CDH9: variants seen among roughly 807,000 people sequenced by gnomAD.
CDH9 encodes cadherin 9.
Under a neutral mutation model 70.9 loss-of-function variants are expected in CDH9, and 28 were observed. That is an observed-to-expected ratio of 0.40 (90% CI 0.29 to 0.54). The LOEUF (loss-of-function observed/expected upper bound fraction) is 0.54, where lower values mean the gene tolerates loss of function less well. CDH9 is among the 20% of genes least tolerant of loss of function. The pLI is 0.59. For synonymous variants in CDH9, 409 were observed against 343.1 expected, an observed-to-expected ratio of 1.19 and a Z score of -2.12; for missense variants, 874 against 984.4, an observed-to-expected ratio of 0.89 and a Z score of 1.50.
chr5:26,901,258 G>T (rs906576713), intron 7 of CDH9, among the ~76,000 whole-genome samples: 5 of 151,984 alleles, frequency 3.3e-5, no homozygotes, highest in African/African-American at 1.2e-4. Flanking sequence ...TACTGATAAT[G>T]TATTTTTTTA....
chr5:26,922,774 T>G (rs1482713754), intron 2 of CDH9, among the ~76,000 whole-genome samples: 1 of 151,734 alleles, frequency 6.6e-6, no homozygotes, highest in Non-Finnish European at 1.5e-5. Context: ...AACAACCAAT[T>G]AAAAATAACT....
At chr5:27,033,335 T>C (rs1161455543) in intron 1 of CDH9, among the ~76,000 whole-genome samples, 1 of 151,488 alleles carries the variant, frequency 6.6e-6, no homozygotes, top group African/African-American at 2.4e-5. Flanking sequence ...AATTAATTCA[T>C]TGTGCTTTCT....
intron 11 of CDH9, 101 bp from the exon 12 acceptor site, chr5:26,881,724 T>G: frequency 9.3e-7 from 1 of 1,071,122 alleles, no homozygotes; most frequent in South Asian, 1.6e-5. Context: ...GATATTAAGA[T>G]TGATCGAATA....
intron 1 of CDH9, among the ~76,000 whole-genome samples, chr5:26,991,014 T>C (rs1327688818): frequency 6.6e-6 from 1 of 152,194 alleles, no homozygotes. Context: ...GAAATTCTCA[T>C]TCATTTTCAG....
intron 2 of CDH9, among the ~76,000 whole-genome samples, chr5:26,954,058 A>T (rs999800189): frequency 2.8e-4 from 43 of 152,144 alleles, no homozygotes; most frequent in Admixed American, 2.7e-3. Flanking sequence ...TACCTTTCCA[A>T]ACTTACCTGG....
intron 1 of CDH9, among the ~76,000 whole-genome samples, chr5:27,028,102 G>A (rs577753087): frequency 9.2e-5 from 14 of 152,146 alleles, no homozygotes; most frequent in African/African-American, 3.4e-4. Context: ...TTCTAGGCCA[G>A]GCATGGTGGC....
intron 1 of CDH9, 42 bp from the exon 2 acceptor site, chr5:26,988,424 T>C: frequency 2.0e-6 from 3 of 1,502,436 alleles, no homozygotes; most frequent in Non-Finnish European, 2.7e-6. Flanking sequence ...TTAGCTTGAG[T>C]TTCACTTTCC....
chr5:26,897,611 T>G (rs1457052348), intron 7 of CDH9, among the ~76,000 whole-genome samples: 1 of 152,146 alleles, frequency 6.6e-6, no homozygotes, highest in Non-Finnish European at 1.5e-5. Context: ...TTCAATAAAC[T>G]TCAACACCCT....
intron 2 of CDH9, among the ~76,000 whole-genome samples, chr5:26,986,589 T>G (rs1742491693): frequency 6.6e-6 from 1 of 152,132 alleles, no homozygotes; most frequent in African/African-American, 2.4e-5. Flanking sequence ...TGCCTTAGGA[T>G]TATGAGCGAC....
At chr5:26,883,088 TATATATAAAA>T (rs1204436466) in intron 11 of CDH9, among the ~76,000 whole-genome samples, 11 of 119,174 alleles carry the variant, frequency 9.2e-5, no homozygotes, top group African/African-American at 3.2e-4. Flanking sequence ...TATATATATA[TATATATAAAA>T]CTGCAGTAAA....
chr5:26,938,095 T>C (rs888535782), intron 2 of CDH9, among the ~76,000 whole-genome samples: 2 of 151,892 alleles, frequency 1.3e-5, no homozygotes, highest in Admixed American at 6.6e-5. Flanking sequence ...AGGGAGGATA[T>C]AGAAACTCTT....
intron 1 of CDH9, among the ~76,000 whole-genome samples, chr5:26,995,311 T>C (rs1430688664): frequency 6.6e-6 from 1 of 152,070 alleles, no homozygotes; most frequent in Non-Finnish European, 1.5e-5. Flanking sequence ...GATAGAGAAA[T>C]AGAAAGAGTT....
At chr5:26,902,990 A>G in intron 6 of CDH9, 1 of 327,072 alleles carries the variant, frequency 3.1e-6, no homozygotes, top group South Asian at 5.3e-5. Context: ...TTTGGTGACA[A>G]GTAAATGAAG....
chr5:26,998,412 G>A (rs1406413641), intron 1 of CDH9, among the ~76,000 whole-genome samples: 1 of 152,078 alleles, frequency 6.6e-6, no homozygotes, highest in Non-Finnish European at 1.5e-5. Context: ...AAAATGATGA[G>A]TTCATGTCCT....
intron 2 of CDH9, among the ~76,000 whole-genome samples, chr5:26,977,092 A>G (rs1376343534): frequency 6.6e-6 from 1 of 152,074 alleles, no homozygotes; most frequent in Non-Finnish European, 1.5e-5. Flanking sequence ...TAGAAGAAAC[A>G]GTCCATCTTC....
At chr5:27,037,404 T>G (rs1256000397) in intron 1 of CDH9, among the ~76,000 whole-genome samples, 1 of 151,952 alleles carries the variant, frequency 6.6e-6, no homozygotes, top group Non-Finnish European at 1.5e-5. Flanking sequence ...CCATTATATC[T>G]TCATCAAAAG....
intron 2 of CDH9, among the ~76,000 whole-genome samples, chr5:26,953,942 CAT>C (rs973765498): frequency 1.2e-4 from 18 of 151,408 alleles, no homozygotes; most frequent in African/African-American, 4.4e-4. Flanking sequence ...CTATATGAAA[CAT>C]AAAACACACA....
chr5:26,902,653 A>G lies in CDH9; in HGVS notation c.1076T>C (p.Leu359Ser), dbSNP rs1388189220. 3.1e-6 allele frequency: 5 copies of G among 1,590,772 alleles called. No individual in the cohort carries two copies. The highest frequency in any genetic ancestry group is 2.2e-5 in the South Asian group (2 of 90,590). ...ASNTHPDPRF[L>S]HLGPFKDTAV... ...TGTATCTTTGAAAGGTCCCAGGTGTAAGAATCGTGGATCAGGGTGAGTGTT... is the reference window on the plus strand; with the variant it reads ...TGTATCTTTGAAAGGTCCCAGGTGTGAGAATCGTGGATCAGGGTGAGTGTT... Residue 359 changes from leucine (L) to serine (S), a missense_variant, in exon 7 of 12, where the codon TTA (leucine) becomes TCA (serine). Physicochemically the swap from Leu to Ser is moderately radical, Grantham distance 145. Transcript: ENST00000231021.
intron 2 of CDH9, among the ~76,000 whole-genome samples, chr5:26,953,697 C>T (rs900515013): frequency 3.9e-4 from 60 of 152,124 alleles, no homozygotes; most frequent in African/African-American, 1.3e-3. Flanking sequence ...TCTCTCATCC[C>T]TTCATTCCAT....
Sources: gnomAD v4.1 joint callset for allele counts (sites outside exome capture counted in the v4.1 genomes callset) on GRCh38, gnomAD v4.1.1 for gene constraint, MANE v1.5 for transcripts, NCBI Gene and HGNC (gene_info 2026-07-23, HGNC 2026-07-21) for gene names.